PHGDH: variants seen among roughly 807,000 people sequenced by gnomAD.
PHGDH encodes the protein phosphoglycerate dehydrogenase.
Under a neutral mutation model 52.6 loss-of-function variants are expected in PHGDH, and 50 were observed. The ratio of observed to expected loss-of-function variants is 0.95; its 90% CI spans 0.76 to 1.20. The LOEUF (loss-of-function observed/expected upper bound fraction) is 1.20, where lower values mean the gene tolerates loss of function less well. Among genes scored for constraint, PHGDH ranks in the 50% most tolerant of loss-of-function variants. The pLI, the probability that PHGDH is intolerant of heterozygous loss-of-function variation, is 0.00. For synonymous variants in PHGDH, 271 were observed against 280.5 expected (o/e 0.97, Z 0.34); for missense variants, 630 against 684.6 (o/e 0.92, Z 0.89).
At chr1:119,721,355 AGGGG>A (rs758447458) in intron 2 of PHGDH, 34 bp downstream of exon 2, 9 of 1,607,464 alleles carry the variant, frequency 5.6e-6, no homozygotes, top group Non-Finnish European at 7.7e-6. Flanking sequence ...GTTTGGGGGT[AGGGG>A]GGTGAGTGCG....
chr1:119,717,232 CAAAAAAAAAAAAAAAA>C (rs58549149), intron 1 of PHGDH, among the ~76,000 whole-genome samples: 2 of 37,352 alleles, frequency 5.4e-5, no homozygotes, highest in Non-Finnish European at 9.0e-5. Context: ...AACTCTGTCT[CAAAAAAAAAAAAAAAA>C]AAAAAAAAAA....
chr1:119,737,386 G>C, intron 8 of PHGDH, 120 bp downstream of exon 8: 1 of 888,172 alleles, frequency 1.1e-6, no homozygotes, highest in Non-Finnish European at 1.7e-6. Flanking sequence ...CTGAAGATAA[G>C]GGAAATCTGC....
At chr1:119,721,103 A>T in intron 1 of PHGDH, 67 bp from the exon 2 acceptor site, 1 of 1,450,280 alleles carries the variant, frequency 6.9e-7, no homozygotes, top group Non-Finnish European at 9.7e-7. Flanking sequence ...GTAAGCAATG[A>T]TGTGCCTGCG....
At chr1:119,735,470 G>A (rs1557977677) in intron 7 of PHGDH, 27 bp downstream of exon 7, 1 of 1,605,642 alleles carries the variant, frequency 6.2e-7, no homozygotes, top group Admixed American at 1.7e-5. Flanking sequence ...CTCAGCGTCA[G>A]GAGGACGGGA....
At chr1:119,740,232 T>A (rs1652133798) in intron 8 of PHGDH, 154 bp from the exon 9 acceptor site, 1 of 693,148 alleles carries the variant, frequency 1.4e-6, no homozygotes, top group East Asian at 2.7e-5. Flanking sequence ...TGTCCTGTTG[T>A]TAGTGGCTGA....
intron 2 of PHGDH, among the ~76,000 whole-genome samples, chr1:119,722,773 G>A (rs587715360): frequency 5.0e-4 from 76 of 151,994 alleles, no homozygotes; most frequent in African/African-American, 1.4e-3. Context: ...GTTGGCACCA[G>A]CCTGTAGTCT....
chr1:119,726,116 C>A (rs587769392), intron 3 of PHGDH, among the ~76,000 whole-genome samples: 1 of 152,016 alleles, frequency 6.6e-6, no homozygotes, highest in Non-Finnish European at 1.5e-5. Flanking sequence ...CTGTCTCCTC[C>A]AGAAAACACA....
intron 5 of PHGDH, among the ~76,000 whole-genome samples, chr1:119,732,498 C>T (rs935781640): frequency 1.3e-5 from 2 of 152,194 alleles, no homozygotes; most frequent in African/African-American, 2.4e-5. Context: ...CTGACAGGCA[C>T]GTGTGTCCTG....
chr1:119,726,902 G>A lies in PHGDH; in HGVS notation c.408G>A (p.Lys136=). Residue 136 remains lysine (K), a synonymous_variant, in exon 4 of 12, where the codon AAG becomes AAA. Transcript: ENST00000641023. ...TGAAGGACGGCAAATGGGAGCGGAA[G>A]AAGGTGAGCAGCGGCCTTGACTCGC... is the stretch of plus-strand genomic sequence containing the variant. ...ASMKDGKWER[K]KFMGTELNGK... The A allele has an allele frequency of 6.2e-7, 1 of 1,614,184 alleles. No individual in the cohort carries two copies. The highest frequency in any genetic ancestry group is 8.5e-7 in the Non-Finnish European group (1 of 1,179,962).
At chr1:119,740,906 TC>T (rs1161545450) in intron 9 of PHGDH, among the ~76,000 whole-genome samples, 3 of 152,148 alleles carry the variant, frequency 2.0e-5, no homozygotes, top group Non-Finnish European at 2.9e-5. Flanking sequence ...TGTGTGACTC[TC>T]CCTTCTGAGG....
rs587646570 is a variant in PHGDH at position 119,723,545 on chromosome 1, C to A, written c.356+104C>A. The stretch of plus-strand genomic sequence containing the variant: ...AAAACTTAGAAACATTTCGTCTCAG[C>A]GACTTGCAGACTGCTAAGAAGGCGA... On this transcript the variant is annotated intron_variant, in intron 3 of 11. Transcript: ENST00000641023. 7.8e-5 allele frequency: 70 copies of A among 900,684 alleles called. 1 individual carries two copies. The highest frequency in any genetic ancestry group is 7.7e-4 in the Admixed American group (43 of 56,000). 55.8% of individuals were successfully genotyped at this position (900,684 alleles called of 1,614,324 possible). A position where few individuals can be genotyped will look rare whatever the true frequency, so the allele number is the denominator to read the frequency against.
chr1:119,725,667 G>C (rs1055913785), intron 3 of PHGDH, among the ~76,000 whole-genome samples: 1 of 152,232 alleles, frequency 6.6e-6, no homozygotes, highest in African/African-American at 2.4e-5. Flanking sequence ...CAATGTCCTA[G>C]TGATGTGTAG....
intron 11 of PHGDH, 59 bp from the exon 12 acceptor site, chr1:119,743,827 A>G (rs948225667): frequency 2.3e-6 from 3 of 1,323,398 alleles, no homozygotes; most frequent in African/African-American, 1.4e-5. Flanking sequence ...TCTGCTCCCA[A>G]TCCCTCGCTC....
rs1343590014 is a variant in PHGDH at position 119,737,228 on chromosome 1, T to C, written c.907T>C (p.Phe303Leu). The C allele has an allele frequency of 1.2e-6, 2 of 1,614,014 alleles. No individual in the cohort carries two copies. Among genetic ancestry groups the C allele is most frequent in the African/African-American group, 2.7e-5 (2 of 74,934 alleles). ...SRCGEEIAVQ[F>L]VDMVKGKSLT... ...CTGTGGGGAGGAAATTGCTGTTCAG[T>C]TCGTGGACATGGTGAAGGGGAAATC... Residue 303 changes from phenylalanine to leucine, a missense_variant, in exon 8 of 12, where the codon TTC becomes CTC. Transcript: ENST00000641023.
At chr1:119,742,555 TC>T (rs1409449155) in intron 10 of PHGDH, 6 of 594,124 alleles carry the variant, frequency 1.0e-5, no homozygotes, top group Middle Eastern at 4.4e-4. Context: ...CTCCCTGTTT[TC>T]CTCCAAGCCT....
At chr1:119,737,382 A>G (rs1651991507) in intron 8 of PHGDH, 116 bp downstream of exon 8, 3 of 911,558 alleles carry the variant, frequency 3.3e-6, no homozygotes, top group African/African-American at 3.3e-5. Flanking sequence ...GGAGCTGAAG[A>G]TAAGGGAAAT....
chr1:119,726,501 T>A lies in PHGDH; in HGVS notation c.357-350T>A, dbSNP rs587663582. On this transcript the variant is annotated intron_variant, in intron 3 of 11. Coordinates refer to ENST00000641023, the MANE Select transcript of PHGDH (RefSeq NM_006623.4). ...CTGGAGTACTCGATGTCATCAGAGT[T>A]GCCCAGTACCCCACTCAGTTATCCC... 1.2e-5 allele frequency: 5 copies of A among 419,262 alleles called. 1 individual carries two copies. Among genetic ancestry groups the A allele is most frequent in the South Asian group, 1.2e-4 (5 of 43,128 alleles). 26.0% of individuals were successfully genotyped at this position (419,262 alleles called of 1,614,324 possible). A position where few individuals can be genotyped will look rare whatever the true frequency, so the allele number is the denominator to read the frequency against.
rs2101155347 is a variant in PHGDH, at chr1:119,721,337, T to A, written c.290+16T>A. On this transcript the variant is annotated intron_variant, in intron 2 of 11. Coordinates refer to ENST00000641023, the MANE Select transcript of PHGDH (RefSeq NM_006623.4). Reference sequence around the variant, plus strand: ...TGGTTATGAAGTAAGTCATGGAGGCTGCGGGCGGTTTGGGGGTAGGGGGGT... The same window carrying A: ...TGGTTATGAAGTAAGTCATGGAGGCAGCGGGCGGTTTGGGGGTAGGGGGGT... 1.2e-6 allele frequency: 2 copies of A among 1,611,224 alleles called. No individual in the cohort carries two copies. Among genetic ancestry groups the A allele is most frequent in the East Asian group, 2.2e-5 (1 of 44,810 alleles).
At chr1:119,724,603 C>G in intron 3 of PHGDH, 1 of 370,078 alleles carries the variant, frequency 2.7e-6, no homozygotes, top group South Asian at 2.1e-5. Context: ...GTCTCTCCCC[C>G]TGGAGAAGTA....
Sources: allele counts gnomAD v4.1 joint callset (sites outside exome capture counted in the v4.1 genomes callset), GRCh38; gene constraint gnomAD v4.1.1; transcripts MANE v1.5; gene names NCBI Gene and HGNC (gene_info 2026-07-23, HGNC 2026-07-21).